Variants in ZFHX3 observed in about 807,000 individuals in gnomAD.
The protein encoded by ZFHX3 is zinc finger homeobox protein 3.
A neutral mutation model predicts 279.1 loss-of-function variants in ZFHX3; 42 were observed. The observed-to-expected ratio is 0.15, with a 90% CI of 0.12 to 0.19. The LOEUF is 0.19. Among genes scored for constraint, ZFHX3 ranks in the 10% least tolerant of loss-of-function variants. ZFHX3 has a pLI of 1.00. For synonymous variants in ZFHX3, 2,293 were observed against 1,957.8 expected (o/e 1.17, Z -4.52); for missense variants, 4,981 against 4,754.0 (o/e 1.05, Z -1.40).
At chr16:73,339,454 A>G (rs2015986786) in intron 3 of ZFHX3, among the ~76,000 whole-genome samples, 1 of 152,276 alleles carries the variant, frequency 6.6e-6, no homozygotes, top group Non-Finnish European at 1.5e-5. Context: ...GAACTCAAAT[A>G]GTGGTTAATT....
At chr16:73,866,279 A>C (rs1408090001) in intron 1 of ZFHX3, among the ~76,000 whole-genome samples, 2 of 144,596 alleles carry the variant, frequency 1.4e-5, no homozygotes, top group Non-Finnish European at 3.0e-5. Flanking sequence ...TCCCAGGTTC[A>C]AGGGATTCTC....
At chr16:72,953,483 C>G (rs1218062386) in intron 2 of ZFHX3, among the ~76,000 whole-genome samples, 5 of 152,176 alleles carry the variant, frequency 3.3e-5, no homozygotes, top group Non-Finnish European at 7.3e-5. Context: ...TTAGATTTCA[C>G]CCCGGCACAT....
intron 4 of ZFHX3, among the ~76,000 whole-genome samples, chr16:72,880,554 A>G (rs575876021): frequency 2.6e-5 from 4 of 152,292 alleles, no homozygotes; most frequent in Admixed American, 2.6e-4. Flanking sequence ...ACTGTGAGAA[A>G]ATACACTTCT....
chr16:73,740,282 A>C (rs1288971451), intron 1 of ZFHX3, among the ~76,000 whole-genome samples: 1 of 152,182 alleles, frequency 6.6e-6, no homozygotes, highest in Non-Finnish European at 1.5e-5. Flanking sequence ...GCTTTGTGTC[A>C]TTAACTACCA....
At chr16:72,934,443 T>C (rs113854089) in intron 3 of ZFHX3, among the ~76,000 whole-genome samples, 1 of 151,928 alleles carries the variant, frequency 6.6e-6, no homozygotes, top group African/African-American at 2.4e-5. Flanking sequence ...TAAAACAGAG[T>C]AGTATCCACA....
intron 5 of ZFHX3, among the ~76,000 whole-genome samples, chr16:73,254,839 G>C (rs1477125045): frequency 6.6e-6 from 1 of 152,034 alleles, no homozygotes; most frequent in Non-Finnish European, 1.5e-5. Context: ...AGGTGGAAGG[G>C]GAAATAGAAT....
intron 2 of ZFHX3, among the ~76,000 whole-genome samples, chr16:73,496,800 T>TG (rs913785043): frequency 4.6e-5 from 7 of 151,682 alleles, no homozygotes; most frequent in South Asian, 2.1e-4. Context: ...GGGAGGAGTC[T>TG]GGGGGGTGGG....
chr16:72,852,641 TTGA>T (rs2037646938), intron 4 of ZFHX3, among the ~76,000 whole-genome samples: 1 of 152,244 alleles, frequency 6.6e-6, no homozygotes, highest in South Asian at 2.1e-4. Context: ...GAAAGATCTC[TTGA>T]TGACTCCTCA....
At chr16:73,672,611 CAA>C (rs1216693200) in intron 2 of ZFHX3, among the ~76,000 whole-genome samples, 1 of 150,586 alleles carries the variant, frequency 6.6e-6, no homozygotes, top group African/African-American at 2.4e-5. Context: ...TCATAAAAAT[CAA>C]AAGTTATTAT....
intron 3 of ZFHX3, among the ~76,000 whole-genome samples, chr16:72,890,494 G>A (rs2038745492): frequency 6.8e-6 from 1 of 147,422 alleles, no homozygotes; most frequent in Non-Finnish European, 1.5e-5. Flanking sequence ...ATTCCTTAGA[G>A]GGTTTTTTTT....
At chr16:73,050,942 C>A (rs1419989667), upstream of ZFHX3, among the ~76,000 whole-genome samples, 1 of 152,222 alleles carries the variant, frequency 6.6e-6, no homozygotes, top group Non-Finnish European at 1.5e-5. Context: ...AGGCCTGCCC[C>A]CTAACGCTGA....
chr16:72,829,937 T>A, intron 4 of ZFHX3, 78 bp from the exon 5 acceptor site: 1 of 1,465,238 alleles, frequency 6.8e-7, no homozygotes, highest in Non-Finnish European at 9.5e-7. Flanking sequence ...TGCAAACAAC[T>A]GCCAACGACA....
At position 72,959,231 on chromosome 16, in the gene ZFHX3, A is replaced by G; in HGVS notation, c.915T>C (p.His305=). ...GCTCGTCTTCGCTCAGGGTCATTCG[A>G]TGGTCATGCACCGCGTGGGTCACAA... The part of the protein sequence containing the change: ...RSFVTHAVHD[H]RMTLSEDERK... Residue 305 remains histidine (H), a synonymous_variant, in exon 2 of 10, where the codon CAT becomes CAC. Coordinates refer to ENST00000268489, the MANE Select transcript of ZFHX3 (RefSeq NM_006885.4). The G allele has an allele frequency of 6.2e-7, 1 of 1,614,178 alleles. No homozygotes were observed. The highest frequency in any genetic ancestry group is 8.5e-7 in the Non-Finnish European group (1 of 1,180,032).
intron 1 of ZFHX3, among the ~76,000 whole-genome samples, chr16:73,684,338 G>T (rs545651912): frequency 3.3e-5 from 5 of 149,720 alleles, no homozygotes; most frequent in African/African-American, 7.3e-5. Context: ...GTGTGTGTTT[G>T]TGTGTGTGTG....
At chr16:73,740,548 C>T (rs1350882090) in intron 1 of ZFHX3, among the ~76,000 whole-genome samples, 1 of 152,074 alleles carries the variant, frequency 6.6e-6, no homozygotes, top group Admixed American at 6.6e-5. Context: ...AAAAAAAATG[C>T]CACTTATTTC....
intron 4 of ZFHX3, among the ~76,000 whole-genome samples, chr16:73,273,500 A>G (rs1485876085): frequency 6.6e-6 from 1 of 152,212 alleles, no homozygotes; most frequent in Non-Finnish European, 1.5e-5. Flanking sequence ...TATATATAAA[A>G]CACATATAAT....
chr16:72,974,960 A>T (rs561225952), intron 1 of ZFHX3, among the ~76,000 whole-genome samples: 6 of 152,098 alleles, frequency 3.9e-5, no homozygotes, highest in Non-Finnish European at 5.9e-5. Context: ...GGTTTATTTC[A>T]TCATGAGTAG....
intron 4 of ZFHX3, among the ~76,000 whole-genome samples, chr16:72,830,290 G>A (rs2143724124): frequency 6.6e-6 from 1 of 152,320 alleles, no homozygotes; most frequent in South Asian, 2.1e-4. Context: ...TCCTGGTACT[G>A]GCCTAGACCA....
intron 4 of ZFHX3, among the ~76,000 whole-genome samples, chr16:72,883,697 T>C (rs910225775): frequency 6.6e-6 from 1 of 152,242 alleles, no homozygotes; most frequent in African/African-American, 2.4e-5. Flanking sequence ...AAATTTACAA[T>C]CCCTGTCCAA....
Sources: gnomAD v4.1 joint callset for allele counts (sites outside exome capture counted in the v4.1 genomes callset) on GRCh38, gnomAD v4.1.1 for gene constraint, MANE v1.5 for transcripts, NCBI Gene and HGNC (gene_info 2026-07-23, HGNC 2026-07-21) for gene names.